The following KLRD1 variants were observed in gnomAD, a reference collection of about 807,000 sequenced individuals.
KLRD1 encodes natural killer cells antigen CD94.
KLRD1 carries 21 observed loss-of-function variants against 22.6 expected under a neutral mutation model. That is an observed-to-expected ratio of 0.93 (90% CI 0.66 to 1.34). KLRD1 has a LOEUF of 1.34. Among genes scored for constraint, KLRD1 ranks in the 40% most tolerant of loss-of-function variants. The pLI is 0.00. For synonymous variants in KLRD1, 59 were observed against 71.1 expected (o/e 0.83, Z 0.85); for missense variants, 183 against 208.6 (o/e 0.88, Z 0.76).
chr12:10,271,419 A>G (rs1949548912), intron 1 of KLRD1, among the ~76,000 whole-genome samples: 1 of 152,176 alleles, frequency 6.6e-6, no homozygotes, highest in South Asian at 2.1e-4. Context: ...CTCTTAACAG[A>G]GCACTGTAGG....
At chr12:10,299,366 G>T (rs1843815205) in intron 1 of KLRD1, among the ~76,000 whole-genome samples, 1 of 152,090 alleles carries the variant, frequency 6.6e-6, no homozygotes, top group Non-Finnish European at 1.5e-5. Flanking sequence ...TCCTTTGGGT[G>T]CAGGAAATGC....
At position 10,311,601 on chromosome 12, in the gene KLRD1, A is replaced by G; in HGVS notation, c.301A>G (p.Asn101Asp). The change falls in exon 4 of 6, where the codon AAC becomes GAC. Residue 101 changes from asparagine to aspartate, a missense_variant. By Grantham distance (23) the Asn-to-Asp change is conservative. Transcript: ENST00000336164. The stretch of plus-strand genomic sequence containing the variant: ...GAAATCCAGCCTGCTTCAGCTTCAA[A>G]ACACAGATGAACTGGCATGTGCTGA... The part of the protein sequence containing the change: ...SQKSSLLQLQ[N>D]TDELDFMSSS... 1 of 1,614,108 alleles carries G rather than the reference A, an allele frequency of 6.2e-7. No individual in the cohort carries two copies. Among genetic ancestry groups the G allele is most frequent in the Non-Finnish European group, 8.5e-7 (1 of 1,179,952 alleles).
intron 1 of KLRD1, among the ~76,000 whole-genome samples, chr12:10,278,388 A>C (rs1949610430): frequency 6.6e-6 from 1 of 152,178 alleles, no homozygotes; most frequent in South Asian, 2.1e-4. Flanking sequence ...TTATAAGGCT[A>C]ATATTTAAAG....
chr12:10,261,869 A>T (rs1399647678), intron 1 of KLRD1, among the ~76,000 whole-genome samples: 1 of 152,132 alleles, frequency 6.6e-6, no homozygotes, highest in South Asian at 2.1e-4. Context: ...ACAATCATTG[A>T]TGTAGTACCA....
Position 10,328,155 on chromosome 12 carries a change from G to C in KLRD1, c.*13362G>C, listed in dbSNP as rs1481850082. The C allele has an allele frequency of 6.6e-6, 1 of 152,002 alleles. No individual in the cohort carries two copies. Among genetic ancestry groups the C allele is most frequent in the Non-Finnish European group, 1.5e-5 (1 of 67,974 alleles). 9.4% of individuals were successfully genotyped at this position (152,002 alleles called of 1,614,324 possible). A position where few individuals can be genotyped will look rare whatever the true frequency, so the allele number is the denominator to read the frequency against. ...ATCTTTGACAAGCTTTGGTGTAATG[G>C]TAATGCTGGCCACATAAAATTAGTT... is the stretch of plus-strand genomic sequence containing the variant. On this transcript the variant is annotated 3_prime_UTR_variant, in exon 6 of 6. Coordinates refer to ENST00000336164, the MANE Select transcript of KLRD1 (RefSeq NM_002262.5).
At chr12:10,249,029 T>G (rs1949321130) in intron 1 of KLRD1, among the ~76,000 whole-genome samples, 1 of 152,208 alleles carries the variant, frequency 6.6e-6, no homozygotes, top group Non-Finnish European at 1.5e-5. Flanking sequence ...AATTTTGAAT[T>G]CCATTTGCAT....
intron 1 of KLRD1, among the ~76,000 whole-genome samples, chr12:10,245,638 T>C (rs1405244195): frequency 6.6e-6 from 1 of 152,188 alleles, no homozygotes; most frequent in Non-Finnish European, 1.5e-5. Flanking sequence ...TACTTGTCTT[T>C]CTGTGTACTG....
At chr12:10,266,661 T>G (rs1207586669) in intron 1 of KLRD1, among the ~76,000 whole-genome samples, 3 of 151,932 alleles carry the variant, frequency 2.0e-5, no homozygotes, top group African/African-American at 7.2e-5. Flanking sequence ...TTGAAGAGCC[T>G]ACTGTATCTT....
intron 1 of KLRD1, among the ~76,000 whole-genome samples, chr12:10,257,157 T>C (rs1949405406): frequency 6.8e-6 from 1 of 147,200 alleles, no homozygotes; most frequent in African/African-American, 2.5e-5. Flanking sequence ...TTTTTTTTTT[T>C]TAAGATTTGC....
rs1435560641 is a variant in KLRD1 at position 10,320,961 on chromosome 12, A to G, written c.*6168A>G. ...CAAATAGAGTTCATAGAAAACCTCA[A>G]AACACTTTTGAGATGACTATGTCAG... On this transcript the variant is annotated 3_prime_UTR_variant, in exon 6 of 6. Coordinates refer to ENST00000336164, the MANE Select transcript of KLRD1 (RefSeq NM_002262.5). 1.3e-5 allele frequency: 2 copies of G among 152,220 alleles called. No individual in the cohort carries two copies. The highest frequency in any genetic ancestry group is 3.8e-4 in the East Asian group (2 of 5,200). 9.4% of individuals were successfully genotyped at this position (152,220 alleles called of 1,614,324 possible).
Position 10,318,985 on chromosome 12 carries a change from G to A in KLRD1, c.*4192G>A, listed in dbSNP as rs1950284613. The A allele has an allele frequency of 6.6e-6, 1 of 151,900 alleles. No individual in the cohort carries two copies. Among genetic ancestry groups the A allele is most frequent in the Non-Finnish European group, 1.5e-5 (1 of 67,996 alleles). 9.4% of individuals were successfully genotyped at this position (151,900 alleles called of 1,614,324 possible). A position where few individuals can be genotyped will look rare whatever the true frequency, so the allele number is the denominator to read the frequency against. On this transcript the variant is annotated 3_prime_UTR_variant, in exon 6 of 6. Coordinates refer to ENST00000336164, the MANE Select transcript of KLRD1 (RefSeq NM_002262.5). ...TTTTCTCTTTATATCCTAACGCAGG[G>A]GTTGAAAAACTTTTCTCAAAAAGCT... is the stretch of plus-strand genomic sequence containing the variant.
Position 10,328,299 on chromosome 12 carries a change from G to A in KLRD1, c.*13506G>A, listed in dbSNP as rs1395063101. 1 of 152,044 alleles carries A rather than the reference G, an allele frequency of 6.6e-6. No homozygotes were observed. The highest frequency in any genetic ancestry group is 1.5e-5 in the Non-Finnish European group (1 of 67,982). The allele number at this position is 152,044 out of a possible 1,614,324, so 9.4% of individuals were successfully genotyped here. On this transcript the variant is annotated 3_prime_UTR_variant, in exon 6 of 6. Transcript: ENST00000336164. The stretch of plus-strand genomic sequence containing the variant: ...GCCATCTTGTCCTGGGAATTTTTTT[G>A]TTGTAAGTTTCTTGATTACTGATTC...
At chr12:10,253,121 C>G (rs959907718) in intron 1 of KLRD1, among the ~76,000 whole-genome samples, 1 of 151,846 alleles carries the variant, frequency 6.6e-6, no homozygotes, top group African/African-American at 2.4e-5. Flanking sequence ...GTTTCTTTTG[C>G]TTGGGGTTCG....
intron 1 of KLRD1, among the ~76,000 whole-genome samples, chr12:10,296,494 C>T (rs758499780): frequency 3.2e-4 from 49 of 151,890 alleles, no homozygotes; most frequent in Admixed American, 9.8e-4. Context: ...GCAGCCTGGG[C>T]GACACAGCGA....
upstream of KLRD1, among the ~76,000 whole-genome samples, chr12:10,307,253 G>A (rs374576546): frequency 8.5e-5 from 13 of 152,126 alleles, no homozygotes; most frequent in Admixed American, 7.2e-4. Context: ...AGCTGAAGTC[G>A]TGCTTAAAGA....
At position 10,326,252 on chromosome 12, in the gene KLRD1, C is replaced by T. The variant is rs182185975; in HGVS notation, c.*11459C>T. 6.6e-6 allele frequency: 1 copy of T among 152,088 alleles called. No homozygotes were observed. Among genetic ancestry groups the T allele is most frequent in the African/African-American group, 2.4e-5 (1 of 41,408 alleles). The allele number at this position is 152,088 out of a possible 1,614,324, so 9.4% of individuals were successfully genotyped here. On this transcript the variant is annotated 3_prime_UTR_variant, in exon 6 of 6. Transcript: ENST00000336164. ...TGATTTGCAATTATTTTCTCCCATTCTGTAGATCATCCTTTCATTCCATTG... is the reference window on the plus strand; with the variant it reads ...TGATTTGCAATTATTTTCTCCCATTTTGTAGATCATCCTTTCATTCCATTG...
Position 10,324,461 on chromosome 12 carries a change from C to G in KLRD1, c.*9668C>G, listed in dbSNP as rs1201917707. The G allele has an allele frequency of 1.3e-5, 2 of 151,816 alleles. No homozygotes were observed. The highest frequency in any genetic ancestry group is 2.9e-5 in the Non-Finnish European group (2 of 67,982). 9.4% of individuals were successfully genotyped at this position (151,816 alleles called of 1,614,324 possible). On this transcript the variant is annotated 3_prime_UTR_variant, in exon 6 of 6. Coordinates refer to ENST00000336164, the MANE Select transcript of KLRD1 (RefSeq NM_002262.5). The stretch of plus-strand genomic sequence containing the variant: ...GTGTGCCTGTGTACTCCATGGTTAG[C>G]TCCCACTTATAAGGGAGAATATGTG...
At chr12:10,275,464 G>A (rs1949584481) in intron 1 of KLRD1, among the ~76,000 whole-genome samples, 2 of 152,286 alleles carry the variant, frequency 1.3e-5, no homozygotes, top group African/African-American at 4.8e-5. Context: ...ACCGGTGGTG[G>A]TGTTAATGCA....
chr12:10,280,172 A>G (rs1949626905), intron 1 of KLRD1, among the ~76,000 whole-genome samples: 1 of 152,186 alleles, frequency 6.6e-6, no homozygotes, highest in Admixed American at 6.5e-5. Context: ...GTACAGAGGA[A>G]CGTACAGTGA....
Sources: allele counts gnomAD v4.1 joint callset (sites outside exome capture counted in the v4.1 genomes callset), GRCh38; gene constraint gnomAD v4.1.1; transcripts MANE v1.5; gene names NCBI Gene and HGNC (gene_info 2026-07-23, HGNC 2026-07-21).